The following BCAS3 variants were observed in gnomAD, a reference collection of about 807,000 sequenced individuals.
The protein encoded by BCAS3 is BCAS4/BCAS3 fusion.
Under a neutral mutation model 116.1 loss-of-function variants are expected in BCAS3, and 53 were observed. The ratio of observed to expected loss-of-function variants is 0.46; its 90% CI spans 0.37 to 0.57. The LOEUF (loss-of-function observed/expected upper bound fraction) is 0.57. Ranked by LOEUF, BCAS3 falls within the 20% of genes least tolerant of loss-of-function variation. The pLI is 0.00. For missense variants in BCAS3, 917 were observed against 1,165.4 expected (o/e 0.79, Z 3.10); for synonymous variants, 391 against 408.2 (o/e 0.96, Z 0.51).
At position 61,392,221 on chromosome 17, in the gene BCAS3, T is replaced by C; in HGVS notation, c.*96T>C. On this transcript the variant is annotated 3_prime_UTR_variant, in exon 24 of 24. Transcript: ENST00000407086. This position sits in a 1 kb window ranked among gnomAD's most constrained non-coding sequence, Gnocchi z 6.4. ...CCTACCCTTCAGTCTCTGCTCTTCC[T>C]TCATCAACCACCTTCCCCAAGCTTA... 7.1e-7 allele frequency: 1 copy of C among 1,403,742 alleles called. No individual in the cohort carries two copies. Among genetic ancestry groups the C allele is most frequent in the Non-Finnish European group, 9.7e-7 (1 of 1,034,824 alleles). 87.0% of individuals were successfully genotyped at this position (1,403,742 alleles called of 1,614,324 possible). A position where few individuals can be genotyped will look rare whatever the true frequency, so the allele number is the denominator to read the frequency against.
At chr17:60,853,967 C>A (rs1029039825) in intron 7 of BCAS3, among the ~76,000 whole-genome samples, 1 of 151,814 alleles carries the variant, frequency 6.6e-6, no homozygotes, top group Non-Finnish European at 1.5e-5. Context: ...TTGTTACATA[C>A]GTATACACAC....
rs1456717388 is a variant in BCAS3, at chr17:61,028,728, A to G, written c.1638-5938A>G. ...AACAAGATTAAAAGAGCCAGATTAA[A>G]GAAAGGGATATATTAAATATAGTAG... On this transcript the variant is annotated intron_variant, in intron 16 of 23. Coordinates refer to ENST00000407086, the MANE Select transcript of BCAS3 (RefSeq NM_017679.5). The surrounding 1 kb of genome is among the most constrained non-coding windows in gnomAD (Gnocchi z 4.3). 6.6e-6 allele frequency among the ~76,000 whole-genome samples: 1 copy of G among 151,984 alleles called. No homozygotes were observed. The highest frequency in any genetic ancestry group is 1.5e-5 in the Non-Finnish European group (1 of 67,850).
chr17:61,132,821 G>A lies in BCAS3; in HGVS notation c.2425+48257G>A, dbSNP rs979429595. On this transcript the variant is annotated intron_variant, in intron 22 of 23. Coordinates refer to ENST00000407086, the MANE Select transcript of BCAS3 (RefSeq NM_017679.5). The surrounding 1 kb of genome is among the most constrained non-coding windows in gnomAD (Gnocchi z 5.1). ...GAAGCTCCTTACCAGGTCTGTGTGGGTCACGGGGCAAGATCAAAGAATCCA... is the reference window on the plus strand; with the variant it reads ...GAAGCTCCTTACCAGGTCTGTGTGGATCACGGGGCAAGATCAAAGAATCCA... Among the ~76,000 whole-genome samples the A allele has an allele frequency of 1.3e-5, 2 of 151,756 alleles. No homozygotes were observed. Among genetic ancestry groups the A allele is most frequent in the Non-Finnish European group, 2.9e-5 (2 of 67,928 alleles).
At position 61,228,945 on chromosome 17, in the gene BCAS3, A is replaced by C. The variant is rs2082515191; in HGVS notation, c.2426-139382A>C. 6.6e-6 allele frequency among the ~76,000 whole-genome samples: 1 copy of C among 152,016 alleles called. No homozygotes were observed. Among genetic ancestry groups the C allele is most frequent in the Non-Finnish European group, 1.5e-5 (1 of 68,028 alleles). On this transcript the variant is annotated intron_variant, in intron 22 of 23. Coordinates refer to ENST00000407086, the MANE Select transcript of BCAS3 (RefSeq NM_017679.5). The surrounding 1 kb of genome is among the most constrained non-coding windows in gnomAD (Gnocchi z 5.0). ...GGCTGAAAGCTAGTCCTCTTGCAGCAGTTAGCCGAGTTGTTAATGTAAAGG... is the reference window on the plus strand; with the variant it reads ...GGCTGAAAGCTAGTCCTCTTGCAGCCGTTAGCCGAGTTGTTAATGTAAAGG...
intron 5 of BCAS3, chr17:60,727,307 G>GC (rs2039984421): frequency 8.3e-7 from 1 of 1,202,526 alleles, no homozygotes; most frequent in Non-Finnish European, 1.2e-6. Flanking sequence ...TGTGGTCTTA[G>GC]CCTTCTTCAG....
At chr17:61,173,006 A>ATAAG (rs979133423) in intron 22 of BCAS3, among the ~76,000 whole-genome samples, 2 of 151,676 alleles carry the variant, frequency 1.3e-5, no homozygotes, top group African/African-American at 4.8e-5. Flanking sequence ...AAATAAATAA[A>ATAAG]TAGGATTTAA....
intron 22 of BCAS3, among the ~76,000 whole-genome samples, chr17:61,351,065 G>A (rs2057812632): frequency 6.6e-6 from 1 of 152,218 alleles, no homozygotes; most frequent in African/African-American, 2.4e-5. Flanking sequence ...TCTAAATATA[G>A]CAAAGGCTTG....
chr17:61,061,189 T>C (rs775130659), intron 19 of BCAS3, among the ~76,000 whole-genome samples: 2 of 152,216 alleles, frequency 1.3e-5, no homozygotes, highest in Admixed American at 6.5e-5. Flanking sequence ...TAAAAGCTTT[T>C]GTCTCTCCAT....
chr17:61,342,322 G>A (rs898191085), intron 22 of BCAS3, among the ~76,000 whole-genome samples: 5 of 152,218 alleles, frequency 3.3e-5, no homozygotes, highest in Non-Finnish European at 5.9e-5. Context: ...TGTGGCAACA[G>A]CCTTGGCCAA....
At chr17:60,778,224 G>C (rs2045488351) in intron 6 of BCAS3, among the ~76,000 whole-genome samples, 1 of 151,130 alleles carries the variant, frequency 6.6e-6, no homozygotes, top group Non-Finnish European at 1.5e-5. Context: ...TGAGAACTTA[G>C]TAAATCTGTA....
At chr17:60,985,358 G>C (rs1474618393) in intron 14 of BCAS3, among the ~76,000 whole-genome samples, 1 of 151,934 alleles carries the variant, frequency 6.6e-6, no homozygotes. Flanking sequence ...TATTGGCCAG[G>C]CTGGTCTCAA....
chr17:61,079,741 G>A (rs543031836), intron 21 of BCAS3, among the ~76,000 whole-genome samples: 57 of 151,852 alleles, frequency 3.8e-4, no homozygotes, highest in African/African-American at 1.3e-3. Flanking sequence ...GATGACAGGC[G>A]CCCGCCACCA....
At chr17:60,976,845 A>G (rs1332944413) in intron 14 of BCAS3, among the ~76,000 whole-genome samples, 2 of 152,186 alleles carry the variant, frequency 1.3e-5, no homozygotes, top group African/African-American at 4.8e-5. Flanking sequence ...TTCTTTCTAC[A>G]CAGACACAGT....
intron 17 of BCAS3, chr17:61,036,510 C>T (rs2145604415): frequency 6.6e-6 from 1 of 152,182 alleles, no homozygotes; most frequent in East Asian, 1.9e-4. Context: ...AGTTAAAACC[C>T]TCTGAGAAGC....
intron 7 of BCAS3, among the ~76,000 whole-genome samples, chr17:60,820,133 C>T (rs566550829): frequency 5.9e-5 from 9 of 151,550 alleles, no homozygotes; most frequent in East Asian, 1.9e-4. Flanking sequence ...TGCAGTCGCA[C>T]GATCTTGGCT....
intron 6 of BCAS3, among the ~76,000 whole-genome samples, chr17:60,768,126 T>A (rs145020737): frequency 6.6e-6 from 1 of 152,314 alleles, no homozygotes; most frequent in Non-Finnish European, 1.5e-5. Context: ...GACTTTGATT[T>A]TAGGTGCATA....
chr17:61,286,099 G>T lies in BCAS3; in HGVS notation c.2426-82228G>T, dbSNP rs951661444. Among the ~76,000 whole-genome samples, 1 of 152,200 alleles carries T rather than the reference G, an allele frequency of 6.6e-6. No homozygotes were observed. Among genetic ancestry groups the T allele is most frequent in the Non-Finnish European group, 1.5e-5 (1 of 68,032 alleles). ...GGAAGTTTTTTCCAGAGAGTTCCCA[G>T]TGTGTGAGTGTGAGTCAACAGACTG... On this transcript the variant is annotated intron_variant, in intron 22 of 23. Coordinates refer to ENST00000407086, the MANE Select transcript of BCAS3 (RefSeq NM_017679.5). The surrounding 1 kb of genome is among the most constrained non-coding windows in gnomAD (Gnocchi z 4.8).
rs1215709644 is a variant in BCAS3, at chr17:61,376,187, G to A, written c.2593+7693G>A. On this transcript the variant is annotated intron_variant, in intron 23 of 23. Coordinates refer to ENST00000407086, the MANE Select transcript of BCAS3 (RefSeq NM_017679.5). The surrounding 1 kb of genome is among the most constrained non-coding windows in gnomAD (Gnocchi z 4.5). ...AGTGACATTTACATGTGTTATGTGG[G>A]CCTCTCAGGTCCCTTTCCCAAACCT... Among the ~76,000 whole-genome samples, 7 of 152,178 alleles carry A rather than the reference G, an allele frequency of 4.6e-5. No individual in the cohort carries two copies. The highest frequency in any genetic ancestry group is 8.8e-5 in the Non-Finnish European group (6 of 68,036).
intron 5 of BCAS3, among the ~76,000 whole-genome samples, chr17:60,726,107 C>T (rs532570560): frequency 4.0e-5 from 6 of 150,320 alleles, no homozygotes; most frequent in African/African-American, 1.5e-4. Context: ...GTTGGTCAGG[C>T]TGGTCTCGAA....
Sources: gnomAD v4.1 joint callset for allele counts (sites outside exome capture counted in the v4.1 genomes callset) on GRCh38, gnomAD v4.1.1 for gene constraint, Gnocchi (gnomAD v3.1) non-coding constraint, MANE v1.5 for transcripts, NCBI Gene and HGNC (gene_info 2026-07-23, HGNC 2026-07-21) for gene names.